The following FGF14 variants were observed in gnomAD, a reference collection of about 807,000 sequenced individuals.
The protein encoded by FGF14 is fibroblast growth factor 14.
A neutral mutation model predicts 25.5 loss-of-function variants in FGF14; 5 were observed. The observed-to-expected ratio is 0.20, with a 90% CI of 0.10 to 0.41. The LOEUF (loss-of-function observed/expected upper bound fraction) is 0.41. FGF14 is among the 10% of genes least tolerant of loss of function. The pLI is 1.00. For missense variants in FGF14, 222 were observed against 320.1 expected (o/e 0.69, Z 2.34); for synonymous variants, 138 against 118.3 (o/e 1.17, Z -1.08).
chr13:101,838,198 G>A (rs2043018783), intron 3 of FGF14, among the ~76,000 whole-genome samples: 1 of 151,904 alleles, frequency 6.6e-6, no homozygotes, highest in African/African-American at 2.4e-5. Flanking sequence ...TCCCTCTAGA[G>A]AACCTTGACA....
At chr13:102,163,314 C>G (rs937813178) in intron 1 of FGF14, among the ~76,000 whole-genome samples, 1 of 152,014 alleles carries the variant, frequency 6.6e-6, no homozygotes, top group African/African-American at 2.4e-5. Flanking sequence ...ACATGCCATG[C>G]CTTGTGTAAT....
At chr13:102,309,849 T>C (rs761293197) in intron 1 of FGF14, among the ~76,000 whole-genome samples, 10 of 152,212 alleles carry the variant, frequency 6.6e-5, no homozygotes, top group Non-Finnish European at 1.5e-4. Context: ...ATCTTCATCC[T>C]GCATTTGCTT....
intron 3 of FGF14, among the ~76,000 whole-genome samples, chr13:101,748,829 T>C (rs2037074349): frequency 6.6e-6 from 1 of 150,722 alleles, no homozygotes; most frequent in Non-Finnish European, 1.5e-5. Flanking sequence ...TCCCAAAGAA[T>C]TGAAAACAGG....
At chr13:101,822,562 A>C (rs939463928) in intron 3 of FGF14, among the ~76,000 whole-genome samples, 1 of 151,676 alleles carries the variant, frequency 6.6e-6, no homozygotes, top group Non-Finnish European at 1.5e-5. Context: ...ATTTGAAGAG[A>C]TATAACATCT....
chr13:102,220,557 C>T (rs891945290), intron 1 of FGF14, among the ~76,000 whole-genome samples: 1 of 152,216 alleles, frequency 6.6e-6, no homozygotes, highest in African/African-American at 2.4e-5. Flanking sequence ...GGTTGAAATA[C>T]TGCCATTATT....
At chr13:102,185,182 T>C (rs889030623) in intron 1 of FGF14, among the ~76,000 whole-genome samples, 22 of 152,138 alleles carry the variant, frequency 1.4e-4, no homozygotes, top group African/African-American at 5.3e-4. Context: ...ACAAAGCACA[T>C]GCCTCATCTT....
intron 1 of FGF14, among the ~76,000 whole-genome samples, chr13:102,078,370 A>G (rs2043459658): frequency 6.6e-6 from 1 of 152,210 alleles, no homozygotes; most frequent in African/African-American, 2.4e-5. Flanking sequence ...ATTTCAAAAC[A>G]GCGTGATGTA....
At chr13:101,957,905 A>T (rs1270596790) in intron 1 of FGF14, among the ~76,000 whole-genome samples, 1 of 152,200 alleles carries the variant, frequency 6.6e-6, no homozygotes, top group Non-Finnish European at 1.5e-5. Context: ...AAGAAAAAAA[A>T]ATTGGTGAAG....
intron 1 of FGF14, among the ~76,000 whole-genome samples, chr13:102,017,330 A>G (rs544713017): frequency 1.3e-5 from 2 of 152,290 alleles, no homozygotes; most frequent in Admixed American, 6.5e-5. Flanking sequence ...AAATTCTTCA[A>G]TATCAAAAAA....
chr13:101,757,112 G>A (rs1168523337), intron 3 of FGF14, among the ~76,000 whole-genome samples: 1 of 152,046 alleles, frequency 6.6e-6, no homozygotes, highest in East Asian at 1.9e-4. Context: ...AACCAAATAT[G>A]GTGTTCAACA....
chr13:102,148,575 T>C (rs941555547), intron 1 of FGF14, among the ~76,000 whole-genome samples: 5 of 152,110 alleles, frequency 3.3e-5, no homozygotes, highest in Admixed American at 6.6e-5. Flanking sequence ...TTGGGAGGTC[T>C]AGCCAGGCAG....
intron 1 of FGF14, among the ~76,000 whole-genome samples, chr13:102,107,398 T>A (rs938226792): frequency 3.9e-5 from 6 of 152,118 alleles, no homozygotes; most frequent in African/African-American, 1.4e-4. Context: ...CTCTTTTGAG[T>A]CGATTAACCC....
intron 1 of FGF14, among the ~76,000 whole-genome samples, chr13:102,331,514 C>A (rs2056631908): frequency 6.6e-6 from 1 of 152,210 alleles, no homozygotes; most frequent in East Asian, 1.9e-4. Flanking sequence ...GCACAGAAAA[C>A]CACCCACAAT....
intron 3 of FGF14, among the ~76,000 whole-genome samples, chr13:101,809,796 C>T (rs1471382412): frequency 6.6e-6 from 1 of 152,128 alleles, no homozygotes; most frequent in African/African-American, 2.4e-5. Flanking sequence ...GTCAACCCAG[C>T]AAACAGAGCC....
chr13:101,958,480 G>C (rs1252238173), intron 1 of FGF14, among the ~76,000 whole-genome samples: 1 of 152,202 alleles, frequency 6.6e-6, no homozygotes, highest in East Asian at 1.9e-4. Flanking sequence ...CATTCAGTCT[G>C]GTTTAGGCCT....
intron 1 of FGF14, among the ~76,000 whole-genome samples, chr13:102,135,312 C>T (rs3983): frequency 0.5 from 75,220 of 151,918 alleles, 20,192 homozygotes; most frequent in East Asian, 0.85. Flanking sequence ...GTCTCCTCTT[C>T]AAAGCCCTCC....
At chr13:102,347,486 G>A (rs2057144517) in intron 1 of FGF14, among the ~76,000 whole-genome samples, 1 of 152,178 alleles carries the variant, frequency 6.6e-6, no homozygotes, top group South Asian at 2.1e-4. Context: ...AGTTGACATG[G>A]CCAGGAGGGG....
At position 101,947,670 on chromosome 13, in the gene FGF14, C is replaced by G. The variant is rs114323709; in HGVS notation, c.209-72374G>C. Among the ~76,000 whole-genome samples the G allele has an allele frequency of 2.1e-3, 315 of 152,260 alleles. 2 individuals carry two copies. The highest frequency in any genetic ancestry group is 6.6e-3 in the African/African-American group (275 of 41,550). ...TGGGCAAAAAGATGGGAACAACACA[C>G]AGTGGGGACTACTAGAGGGGGTAGG... On this transcript the variant is annotated intron_variant, in intron 1 of 4. Coordinates refer to the FGF14 transcript ENST00000376131.
intron 1 of FGF14, chr13:102,293,851 T>C (rs2054556221): frequency 6.6e-6 from 1 of 152,196 alleles, no homozygotes; most frequent in Admixed American, 6.5e-5. Context: ...TGAGAAGTGT[T>C]ATAACGAATA....
Sources: allele counts gnomAD v4.1 joint callset (sites outside exome capture counted in the v4.1 genomes callset), GRCh38; gene constraint gnomAD v4.1.1; transcripts MANE v1.5; gene names NCBI Gene and HGNC (gene_info 2026-07-23, HGNC 2026-07-21).